The following RANBP2 variants were observed in gnomAD, a reference collection of about 807,000 sequenced individuals.
RANBP2 encodes E3 SUMO-protein ligase RanBP2.
RANBP2 carries 57 observed loss-of-function variants against 303.6 expected under a neutral mutation model. That is an observed-to-expected ratio of 0.19 (90% CI 0.15 to 0.23). RANBP2 has a LOEUF of 0.23. Ranked by LOEUF, RANBP2 falls within the 10% of genes least tolerant of loss-of-function variation. RANBP2 has a pLI of 1.00. For missense variants in RANBP2, 3,138 were observed against 3,780.8 expected, an observed-to-expected ratio of 0.83 and a Z score of 4.46; for synonymous variants, 1,167 against 1,301.5, an observed-to-expected ratio of 0.90 and a Z score of 2.23.
At chr2:108,893,267 T>TG in the RANBP2 span, among the ~76,000 whole-genome samples, 1 of 152,230 alleles carries the variant, frequency 6.6e-6, no homozygotes, top group East Asian at 1.9e-4. Flanking sequence ...AGAATAATAC[T>TG]GGCCCTGCAT....
At chr2:108,871,369 T>C in the RANBP2 span, among the ~76,000 whole-genome samples, 123,487 of 134,452 alleles carry the variant, frequency 0.92, 56,795 homozygotes, top group East Asian at 1. Context: ...CCCAACTCTA[T>C]TAAAAAAAAA....
At chr2:109,707,785 TTCTC>T in the RANBP2 span, among the ~76,000 whole-genome samples, 4 of 152,256 alleles carry the variant, frequency 2.6e-5, no homozygotes, top group Non-Finnish European at 5.9e-5. Flanking sequence ...CTCATACCTT[TTCTC>T]TCTTTCAACC....
At chr2:109,403,057 G>C in the RANBP2 span, among the ~76,000 whole-genome samples, 3 of 152,308 alleles carry the variant, frequency 2.0e-5, no homozygotes, top group Middle Eastern at 3.4e-3. Flanking sequence ...AGGGGCTCTC[G>C]CTGTAATGGA....
the RANBP2 span, among the ~76,000 whole-genome samples, chr2:109,484,432 C>T: frequency 6.6e-6 from 1 of 152,126 alleles, no homozygotes; most frequent in East Asian, 1.9e-4. Context: ...CTGGCCCGCA[C>T]CTGCTTTTTG....
chr2:109,344,447 C>T, the RANBP2 span, among the ~76,000 whole-genome samples: 1 of 152,176 alleles, frequency 6.6e-6, no homozygotes, highest in South Asian at 2.1e-4. Context: ...TGCTGTCTGC[C>T]GTGGCTGGGC....
chr2:109,282,171 A>G, the RANBP2 span, among the ~76,000 whole-genome samples: 4 of 152,006 alleles, frequency 2.6e-5, no homozygotes, highest in East Asian at 3.9e-4. Context: ...GATAGCAGCT[A>G]TTTTTCTTTT....
the RANBP2 span, among the ~76,000 whole-genome samples, chr2:109,238,674 T>C: frequency 6.6e-6 from 1 of 152,172 alleles, no homozygotes; most frequent in Non-Finnish European, 1.5e-5. Context: ...AGGAGAGTGC[T>C]CACAGGATGG....
chr2:109,100,483 G>C, the RANBP2 span, among the ~76,000 whole-genome samples: 1 of 152,148 alleles, frequency 6.6e-6, no homozygotes, highest in Non-Finnish European at 1.5e-5. Context: ...ATTGGTCCCT[G>C]ATGCCAAAAA....
chr2:109,586,221 A>G, the RANBP2 span, among the ~76,000 whole-genome samples: 1 of 152,254 alleles, frequency 6.6e-6, no homozygotes. Flanking sequence ...AGCACAAAAC[A>G]AAAGTACAGA....
At chr2:109,063,440 A>G in the RANBP2 span, among the ~76,000 whole-genome samples, 21 of 152,192 alleles carry the variant, frequency 1.4e-4, no homozygotes, top group Non-Finnish European at 2.5e-4. Flanking sequence ...TTCCTTCAGC[A>G]GGCATGCAGC....
the RANBP2 span, chr2:108,912,820 G>T: frequency 2.1e-6 from 3 of 1,412,820 alleles, no homozygotes; most frequent in East Asian, 4.9e-5. Flanking sequence ...CTTCAAAGAC[G>T]CTGCCACAGA....
the RANBP2 span, among the ~76,000 whole-genome samples, chr2:108,802,674 G>A: frequency 1.1e-4 from 16 of 142,208 alleles, no homozygotes; most frequent in African/African-American, 3.6e-4. Flanking sequence ...ATGTTGAATA[G>A]GAGTGGTGAG....
At chr2:109,017,947 A>G in the RANBP2 span, among the ~76,000 whole-genome samples, 9 of 152,196 alleles carry the variant, frequency 5.9e-5, no homozygotes, top group Non-Finnish European at 1.3e-4. Context: ...ATTTTACCTG[A>G]GATGGTGGAA....
the RANBP2 span, among the ~76,000 whole-genome samples, chr2:109,146,984 T>C: frequency 6.9e-6 from 1 of 144,634 alleles, no homozygotes; most frequent in South Asian, 2.4e-4. Flanking sequence ...TCCTGGGCCC[T>C]TCCCTGGGAC....
chr2:108,744,619 G>A (rs1474632647), intron 7 of RANBP2, among the ~76,000 whole-genome samples: 1 of 152,200 alleles, frequency 6.6e-6, no homozygotes, highest in Non-Finnish European at 1.5e-5. Flanking sequence ...GCTTTGACAT[G>A]ATGTTTAGAA....
At chr2:109,403,917 C>T in the RANBP2 span, among the ~76,000 whole-genome samples, 1,246 of 152,316 alleles carry the variant, frequency 8.2e-3, 11 homozygotes, top group African/African-American at 0.028. Flanking sequence ...GGAGTGAGGG[C>T]GTGCGTGCGG....
chr2:109,080,446 G>A, the RANBP2 span, among the ~76,000 whole-genome samples: 1 of 152,150 alleles, frequency 6.6e-6, no homozygotes, highest in South Asian at 2.1e-4. Context: ...CCTGTTCCGA[G>A]ACCAAGAAGT....
chr2:109,402,766 G>C, the RANBP2 span, among the ~76,000 whole-genome samples: 1 of 152,344 alleles, frequency 6.6e-6, no homozygotes, highest in African/African-American at 2.4e-5. Flanking sequence ...CTGGGCCATG[G>C]GGGGCAGAGG....
chr2:109,614,733 A>G, the RANBP2 span: 4 of 1,487,976 alleles, frequency 2.7e-6, no homozygotes, highest in Non-Finnish European at 3.6e-6. Context: ...CCTCAAGAAG[A>G]GGTTCTGTGA....
Sources: allele counts gnomAD v4.1 joint callset (sites outside exome capture counted in the v4.1 genomes callset), GRCh38; gene constraint gnomAD v4.1.1; transcripts MANE v1.5; gene names NCBI Gene and HGNC (gene_info 2026-07-23, HGNC 2026-07-21).